The following SFI1 variants were observed in gnomAD, a reference collection of about 807,000 sequenced individuals.
SFI1 encodes the protein SFI1 centrin binding protein, also known as protein SFI1 homolog.
A neutral mutation model predicts 207.5 loss-of-function variants in SFI1; 195 were observed. The observed-to-expected ratio is 0.94, with a 90% CI of 0.84 to 1.06. The LOEUF is 1.06. SFI1 is among the 50% of genes least tolerant of loss of function. SFI1 has a pLI of 0.00. For missense variants in SFI1, 1,634 were observed against 1,588.0 expected (o/e 1.03, Z -0.49); for synonymous variants, 630 against 598.9 (o/e 1.05, Z -0.76).
At chr22:31,520,995 C>G (rs1262066972) in intron 2 of SFI1, among the ~76,000 whole-genome samples, 7 of 141,844 alleles carry the variant, frequency 4.9e-5, no homozygotes, top group Non-Finnish European at 6.1e-5. Context: ...AGAGCCAGAC[C>G]CTGTCTCAAA....
At chr22:31,550,599 C>G (rs572636713) in intron 6 of SFI1, 1 of 384,918 alleles carries the variant, frequency 2.6e-6, no homozygotes. Flanking sequence ...TGTGAACTGG[C>G]TGTTCCTGGC....
At chr22:31,612,398 A>AAAAAAAAAAAAAAAATAT (rs1556369798) in intron 24 of SFI1, 1 of 60,194 alleles carries the variant, frequency 1.7e-5, no homozygotes, top group Non-Finnish European at 3.0e-5. Context: ...AAAAAAAAAA[A>AAAAAAAAAAAAAAAATAT]ATATATATAT....
intron 1 of SFI1, among the ~76,000 whole-genome samples, chr22:31,503,582 CTG>C (rs370749768): frequency 1.3e-4 from 17 of 132,014 alleles, no homozygotes; most frequent in African/African-American, 4.9e-4. Flanking sequence ...TTTTCTTGGA[CTG>C]TTTTTTTTTT....
At chr22:31,517,219 T>G (rs1478795892) in intron 2 of SFI1, among the ~76,000 whole-genome samples, 2 of 152,138 alleles carry the variant, frequency 1.3e-5, no homozygotes, top group Non-Finnish European at 2.9e-5. Context: ...GTTTAAGGAA[T>G]CTATTTCTTC....
At chr22:31,525,629 A>G (rs1602138285) in intron 2 of SFI1, among the ~76,000 whole-genome samples, 1 of 152,136 alleles carries the variant, frequency 6.6e-6, no homozygotes. Flanking sequence ...AGGTGGGAAG[A>G]TCACCTGAAT....
At chr22:31,606,593 G>T in intron 21 of SFI1, 163 bp downstream of exon 21, 1 of 521,848 alleles carries the variant, frequency 1.9e-6, no homozygotes, top group South Asian at 2.5e-5. Context: ...GTGGGCACAT[G>T]TTTAGTTTTT....
At chr22:31,562,912 G>A (rs1383157476) in intron 8 of SFI1, among the ~76,000 whole-genome samples, 1 of 151,774 alleles carries the variant, frequency 6.6e-6, no homozygotes, top group African/African-American at 2.4e-5. Flanking sequence ...TATTACAGGC[G>A]TGAGCCACCA....
intron 12 of SFI1, among the ~76,000 whole-genome samples, chr22:31,582,556 A>G (rs550192925): frequency 2.6e-5 from 4 of 151,838 alleles, no homozygotes; most frequent in Admixed American, 2.0e-4. Context: ...CCGGCCTATT[A>G]TATTTTTTAA....
intron 2 of SFI1, among the ~76,000 whole-genome samples, chr22:31,511,214 T>C (rs2055454804): frequency 6.6e-6 from 1 of 151,960 alleles, no homozygotes; most frequent in African/African-American, 2.4e-5. Context: ...CAAGGGTCAG[T>C]TTTTTCCCCC....
chr22:31,508,448 GA>G (rs2054985408), intron 2 of SFI1, 72 bp downstream of exon 2: 3 of 1,159,862 alleles, frequency 2.6e-6, no homozygotes, highest in South Asian at 1.4e-5. Context: ...TTTTGTGTAT[GA>G]AAAAATTATA....
At chr22:31,559,316 G>A (rs1306663194) in intron 7 of SFI1, among the ~76,000 whole-genome samples, 1 of 152,026 alleles carries the variant, frequency 6.6e-6, no homozygotes, top group African/African-American at 2.4e-5. Flanking sequence ...CCAGCTACTC[G>A]GGAGGCTGAG....
chr22:31,566,323 C>G (rs891885428), intron 8 of SFI1, among the ~76,000 whole-genome samples: 1 of 151,988 alleles, frequency 6.6e-6, no homozygotes, highest in African/African-American at 2.4e-5. Flanking sequence ...GAACTCCTTA[C>G]CTCAAGTGAT....
At chr22:31,552,806 G>A (rs1426402262) in intron 6 of SFI1, among the ~76,000 whole-genome samples, 1 of 151,708 alleles carries the variant, frequency 6.6e-6, no homozygotes, top group Non-Finnish European at 1.5e-5. Flanking sequence ...TGTGTTAAGT[G>A]TTCCCTTTCT....
At chr22:31,612,404 T>C (rs868402269) in intron 24 of SFI1, 3 of 100,020 alleles carry the variant, frequency 3.0e-5, no homozygotes, top group African/African-American at 1.3e-4. Context: ...AAAAAATATA[T>C]ATATATATAT....
intron 1 of SFI1, among the ~76,000 whole-genome samples, chr22:31,504,400 C>T (rs906494406): frequency 2.0e-5 from 3 of 152,054 alleles, no homozygotes; most frequent in African/African-American, 4.8e-5. Flanking sequence ...CTGGCTAATT[C>T]CTTGTCTGAT....
chr22:31,526,717 G>A (rs763363599), intron 2 of SFI1, among the ~76,000 whole-genome samples: 85 of 151,980 alleles, frequency 5.6e-4, no homozygotes, highest in Non-Finnish European at 1.0e-3. Context: ...CACCACACCC[G>A]GCTAATTTTT....
chr22:31,606,693 C>CTTTTTTTTTTTTTTTTT (rs10524692), intron 21 of SFI1: 2 of 113,206 alleles, frequency 1.8e-5, no homozygotes, highest in Admixed American at 1.2e-4. Context: ...TTCTTTTTTT[C>CTTTTTTTTTTTTTTTTT]TTTTTTTTTT....
chr22:31,582,224 ATATATATATATATTTTT>A (rs2064349375), intron 12 of SFI1, among the ~76,000 whole-genome samples: 7 of 33,858 alleles, frequency 2.1e-4, no homozygotes, highest in African/African-American at 7.8e-4. Flanking sequence ...ATATATATAT[ATATATATATATATTTTT>A]TTTTTTTTTT....
In SFI1 at chr22:31,584,929, T is replaced by C. The variant is rs1201782098; in HGVS notation, c.1347-139T>C. 11 of 521,198 alleles carry C rather than the reference T, an allele frequency of 2.1e-5. No individual in the cohort carries two copies. In the East Asian group the frequency reaches 3.1e-4, roughly 15 times the overall value. The allele number at this position is 521,198 out of a possible 1,614,324, so 32.3% of individuals were successfully genotyped here. On this transcript the variant is annotated intron_variant, in intron 13 of 32. Transcript: ENST00000400288. ...TTTTATATTAGATATCAGGTTCTTATTGCCGTCTCTCCTAGAATGAAACTA... is the reference window on the plus strand; with the variant it reads ...TTTTATATTAGATATCAGGTTCTTACTGCCGTCTCTCCTAGAATGAAACTA...
Sources: gnomAD v4.1 joint callset for allele counts (sites outside exome capture counted in the v4.1 genomes callset) on GRCh38, gnomAD v4.1.1 for gene constraint, MANE v1.5 for transcripts, NCBI Gene and HGNC (gene_info 2026-07-23, HGNC 2026-07-21) for gene names.